Variants in KCNH7 observed in about 807,000 individuals in gnomAD.
KCNH7 encodes the protein voltage-gated inwardly rectifying potassium channel KCNH7.
In KCNH7, 49 loss-of-function variants were observed where a neutral mutation model predicts 120.8. The ratio of observed to expected loss-of-function variants is 0.41; its 90% CI spans 0.32 to 0.51. The LOEUF (loss-of-function observed/expected upper bound fraction) is 0.51, where lower values mean the gene tolerates loss of function less well. KCNH7 is among the 20% of genes least tolerant of loss of function. The pLI is 0.38. For missense variants in KCNH7, 1,097 were observed against 1,446.6 expected (o/e 0.76, Z 3.92); for synonymous variants, 547 against 516.1 (o/e 1.06, Z -0.81).
At chr2:162,785,473 G>A (rs192400212) in intron 2 of KCNH7, among the ~76,000 whole-genome samples, 124 of 151,992 alleles carry the variant, frequency 8.2e-4, no homozygotes, top group Non-Finnish European at 6.6e-4. Context: ...ATTTTACATC[G>A]GAAGTTTTAC....
chr2:162,445,944 C>T, intron 7 of KCNH7, 74 bp downstream of exon 7: 1 of 1,197,384 alleles, frequency 8.4e-7, no homozygotes. Context: ...AGCAACTCTT[C>T]TTTTTGCAGT....
At chr2:162,796,305 C>A (rs1323419534) in intron 2 of KCNH7, 1 of 151,874 alleles carries the variant, frequency 6.6e-6, no homozygotes, top group Non-Finnish European at 1.5e-5. Context: ...TGTGATAATG[C>A]ATGTAAGGGA....
At chr2:162,630,000 A>G (rs1683708647) in intron 2 of KCNH7, among the ~76,000 whole-genome samples, 1 of 152,128 alleles carries the variant, frequency 6.6e-6, no homozygotes, top group Admixed American at 6.6e-5. Context: ...CAGTTTTCAG[A>G]GGCAGAAAAT....
At chr2:162,634,305 G>C (rs775620181) in intron 2 of KCNH7, among the ~76,000 whole-genome samples, 1 of 151,924 alleles carries the variant, frequency 6.6e-6, no homozygotes, top group Non-Finnish European at 1.5e-5. Context: ...TCTTTGTATA[G>C]GTAACACAGA....
At chr2:162,543,801 A>T (rs1388638111) in intron 2 of KCNH7, among the ~76,000 whole-genome samples, 1 of 152,172 alleles carries the variant, frequency 6.6e-6, no homozygotes, top group Non-Finnish European at 1.5e-5. Context: ...ACTGTGGGGA[A>T]GGTCAAATCA....
intron 2 of KCNH7, among the ~76,000 whole-genome samples, chr2:162,687,097 A>T (rs1685919624): frequency 6.6e-6 from 1 of 152,132 alleles, no homozygotes; most frequent in African/African-American, 2.4e-5. Flanking sequence ...CCATTAGGAA[A>T]AATACGGCTG....
At chr2:162,563,606 A>G (rs1011311930) in intron 2 of KCNH7, among the ~76,000 whole-genome samples, 2 of 152,186 alleles carry the variant, frequency 1.3e-5, no homozygotes, top group African/African-American at 4.8e-5. Flanking sequence ...AAATATGACT[A>G]CTTACCTACT....
At chr2:162,641,486 G>A (rs957943499) in intron 2 of KCNH7, among the ~76,000 whole-genome samples, 8 of 152,128 alleles carry the variant, frequency 5.3e-5, no homozygotes, top group Non-Finnish European at 1.0e-4. Context: ...GAGATGGGAG[G>A]AGCCCTTGAG....
intron 2 of KCNH7, among the ~76,000 whole-genome samples, chr2:162,761,709 A>G (rs1270468306): frequency 1.3e-5 from 2 of 152,086 alleles, no homozygotes; most frequent in Non-Finnish European, 2.9e-5. Flanking sequence ...TTAATCTGGC[A>G]ATGTTTACCT....
chr2:162,674,290 A>C (rs1352326170), intron 2 of KCNH7, among the ~76,000 whole-genome samples: 1 of 151,810 alleles, frequency 6.6e-6, no homozygotes, highest in Non-Finnish European at 1.5e-5. Flanking sequence ...ATAATCTAAT[A>C]AGAGACGTGT....
chr2:162,735,573 C>A (rs1327875074), intron 2 of KCNH7, among the ~76,000 whole-genome samples: 1 of 152,086 alleles, frequency 6.6e-6, no homozygotes, highest in African/African-American at 2.4e-5. Flanking sequence ...AAACCTTCTA[C>A]CTTGTCCTGA....
At chr2:162,482,825 C>T (rs542149378) in intron 6 of KCNH7, among the ~76,000 whole-genome samples, 1 of 151,554 alleles carries the variant, frequency 6.6e-6, no homozygotes, top group Admixed American at 6.6e-5. Context: ...ATAGCTATAC[C>T]AAAAAAAAGT....
intron 2 of KCNH7, among the ~76,000 whole-genome samples, chr2:162,688,014 A>G (rs1318650676): frequency 6.6e-6 from 1 of 152,168 alleles, no homozygotes; most frequent in Non-Finnish European, 1.5e-5. Flanking sequence ...TAGGACCAAT[A>G]TTAAAGTTTT....
At chr2:162,582,387 T>G (rs934684278) in intron 2 of KCNH7, among the ~76,000 whole-genome samples, 1 of 152,070 alleles carries the variant, frequency 6.6e-6, no homozygotes. Flanking sequence ...CCTTTAGTAG[T>G]AAGGAGTAGC....
intron 2 of KCNH7, among the ~76,000 whole-genome samples, chr2:162,682,168 A>T (rs1172720844): frequency 6.6e-6 from 1 of 151,658 alleles, no homozygotes. Flanking sequence ...GAAGAGCCAG[A>T]CCTCCTTTCC....
intron 2 of KCNH7, among the ~76,000 whole-genome samples, chr2:162,546,523 C>T (rs1336560596): frequency 1.3e-5 from 2 of 152,034 alleles, no homozygotes; most frequent in Non-Finnish European, 2.9e-5. Context: ...TAAGTGCACA[C>T]GATTGTGAAG....
At chr2:162,525,502 T>C (rs925858059) in intron 3 of KCNH7, among the ~76,000 whole-genome samples, 1 of 151,846 alleles carries the variant, frequency 6.6e-6, no homozygotes, top group Admixed American at 6.6e-5. Flanking sequence ...AATCTCTCAG[T>C]GAGAGGGGAT....
rs767673490 is a variant in KCNH7 at position 162,396,759 on chromosome 2, A to AG, written c.2593dup (p.Leu865ProfsTer4). The AG allele has an allele frequency of 6.2e-7, 1 of 1,610,784 alleles. No individual in the cohort carries two copies. The highest frequency in any genetic ancestry group is 1.1e-5 in the South Asian group (1 of 90,982). ...ATATACCTTTGCGCTCTCATGCCTTAGGTTGAAAGTCAACTCTAGGTTTGT... is the reference window on the plus strand; with the variant it reads ...ATATACCTTTGCGCTCTCATGCCTTAGGGTTGAAAGTCAACTCTAGGTTTGT... On this transcript the variant is annotated frameshift_variant, in exon 11 of 16. Coordinates refer to ENST00000332142, the MANE Select transcript of KCNH7 (RefSeq NM_033272.4). LOFTEE classifies it high-confidence loss of function.
intron 2 of KCNH7, among the ~76,000 whole-genome samples, chr2:162,781,870 A>G (rs1370245940): frequency 6.6e-6 from 1 of 152,182 alleles, no homozygotes; most frequent in Non-Finnish European, 1.5e-5. Context: ...CTATTTCAAT[A>G]CCCTGCACAA....
Sources: gnomAD v4.1 joint callset for allele counts (sites outside exome capture counted in the v4.1 genomes callset) on GRCh38, gnomAD v4.1.1 for gene constraint, MANE v1.5 for transcripts, NCBI Gene and HGNC (gene_info 2026-07-23, HGNC 2026-07-21) for gene names.